PRPF38B: variants seen among roughly 807,000 people sequenced by gnomAD.
PRPF38B encodes the protein pre-mRNA processing factor 38B.
In PRPF38B, 18 loss-of-function variants were observed where a neutral mutation model predicts 67.2. That is an observed-to-expected ratio of 0.27 (90% CI 0.19 to 0.40). The LOEUF is 0.40. Among genes scored for constraint, PRPF38B ranks in the 10% least tolerant of loss-of-function variants. The pLI is 1.00. For missense variants in PRPF38B, 544 were observed against 684.9 expected (o/e 0.79, Z 2.30); for synonymous variants, 246 against 234.2 (o/e 1.05, Z -0.46).
rs1557764442 is a variant in PRPF38B, at chr1:108,696,081, AT to A, written c.388del (p.Cys130AlafsTer9). ...VGTGGIVSTA[F>X]CLLYKLFTLK... ...GAACAGGAGGAATTGTTTCTACAGC[AT>A]TTTGCCTGTTATACAAATTATTTAC... On this transcript the variant is annotated frameshift_variant, in exon 3 of 6. Coordinates refer to ENST00000370025, the MANE Select transcript of PRPF38B (RefSeq NM_018061.4). LOFTEE classifies it high-confidence loss of function. 1 of 1,613,998 alleles carries A rather than the reference AT, an allele frequency of 6.2e-7. No individual in the cohort carries two copies. The highest frequency in any genetic ancestry group is 2.2e-5 in the East Asian group (1 of 44,858).
rs1660330876 is a variant in PRPF38B, at chr1:108,700,121, C to G, written c.*101C>G. 2.1e-6 allele frequency: 3 copies of G among 1,460,800 alleles called. No homozygotes were observed. The highest frequency in any genetic ancestry group is 1.6e-5 in the South Asian group (1 of 63,788). 90.5% of individuals were successfully genotyped at this position (1,460,800 alleles called of 1,614,324 possible). ...TGCAGTAGTTCGCACTCCTCAAGCTCTCCCTGTAGGCTGCATTTTCATTTC... is the reference window on the plus strand; with the variant it reads ...TGCAGTAGTTCGCACTCCTCAAGCTGTCCCTGTAGGCTGCATTTTCATTTC... On this transcript the variant is annotated 3_prime_UTR_variant, in exon 6 of 6. Transcript: ENST00000370025.
chr1:108,702,884 T>C lies in PRPF38B; in HGVS notation c.*2864T>C, dbSNP rs1343395771. 2.0e-5 allele frequency among the ~76,000 whole-genome samples: 3 copies of C among 152,242 alleles called. No individual in the cohort carries two copies. The highest frequency in any genetic ancestry group is 4.4e-5 in the Non-Finnish European group (3 of 68,046). On this transcript the variant is annotated 3_prime_UTR_variant, in exon 6 of 6. Transcript: ENST00000370025. ...TCCATGTATTAAAATCTTTTGCCTG[T>C]TTTTAATGTTCAATTTGCAATTAAA... is the stretch of plus-strand genomic sequence containing the variant.
intron 4 of PRPF38B, chr1:108,696,599 T>C (rs1258669463): frequency 1.6e-6 from 1 of 615,894 alleles, no homozygotes; most frequent in African/African-American, 1.9e-5. Context: ...TTCTTAATTA[T>C]GTTCTGTGTA....
chr1:108,694,773 A>G (rs1659695674), intron 1 of PRPF38B, among the ~76,000 whole-genome samples: 2 of 151,924 alleles, frequency 1.3e-5, no homozygotes, highest in African/African-American at 4.9e-5. Flanking sequence ...TTAAAAAAAA[A>G]CAAAGATGGG....
At chr1:108,696,691 T>C (rs1478757758) in intron 4 of PRPF38B, 5 of 714,952 alleles carry the variant, frequency 7.0e-6, no homozygotes, top group East Asian at 2.7e-5. Flanking sequence ...ATAAAAGATA[T>C]GCACATAGAA....
intron 1 of PRPF38B, among the ~76,000 whole-genome samples, chr1:108,693,118 C>A (rs1248328715): frequency 6.6e-6 from 1 of 152,212 alleles, no homozygotes; most frequent in Non-Finnish European, 1.5e-5. Context: ...CTCCTGCCCA[C>A]CCCTGGGGGG....
chr1:108,696,670 T>G, intron 4 of PRPF38B: 1 of 711,306 alleles, frequency 1.4e-6, no homozygotes, highest in Non-Finnish European at 2.6e-6. Flanking sequence ...ATGCTCAAGA[T>G]CGAACAGATA....
Position 108,699,634 on chromosome 1 carries a change from T to A in PRPF38B, c.1255T>A (p.Ser419Thr), listed in dbSNP as rs1660244565. The A allele has an allele frequency of 1.3e-6, 2 of 1,543,122 alleles. No homozygotes were observed. Among genetic ancestry groups the A allele is most frequent in the South Asian group, 1.2e-5 (1 of 83,816 alleles). ...GCGGCACAGAGATGACAAAAGAGATTCCAAGAAAGAGAAAAAACACAGTAG... is the reference window on the plus strand; with the variant it reads ...GCGGCACAGAGATGACAAAAGAGATACCAAGAAAGAGAAAAAACACAGTAG... ...DRRHRDDKRD[S>T]KKEKKHSRSR... Residue 419 changes from serine (S) to threonine (T), a missense_variant, in exon 6 of 6, where the codon TCC becomes ACC. Around this residue, in one of 5 missense-constraint regions of PRPF38B, gnomAD observed 387 missense variants for 386.1 expected, o/e 1.00. Coordinates refer to ENST00000370025, the MANE Select transcript of PRPF38B (RefSeq NM_018061.4).
rs988304867 is a variant in PRPF38B, at chr1:108,702,726, T to C, written c.*2706T>C. Among the ~76,000 whole-genome samples, 6 of 152,256 alleles carry C rather than the reference T, an allele frequency of 3.9e-5. No individual in the cohort carries two copies. Among genetic ancestry groups the C allele is most frequent in the Admixed American group, 1.3e-4 (2 of 15,290 alleles). ...GGGTGCAGCTCACCACCAAGGTACATGTATATCTAGGTAACAAACCGGCAC... is the reference window on the plus strand; with the variant it reads ...GGGTGCAGCTCACCACCAAGGTACACGTATATCTAGGTAACAAACCGGCAC... On this transcript the variant is annotated 3_prime_UTR_variant, in exon 6 of 6. Transcript: ENST00000370025.
At chr1:108,695,881 C>T (rs1197519202) in intron 2 of PRPF38B, 111 bp downstream of exon 2, 5 of 1,375,336 alleles carry the variant, frequency 3.6e-6, no homozygotes, top group Non-Finnish European at 3.0e-6. Context: ...TTTTTTAATC[C>T]AAATTCAAGT....
In PRPF38B at chr1:108,694,443, G is replaced by GT. The variant is rs535475633; in HGVS notation, c.277-1252dup. Among the ~76,000 whole-genome samples the GT allele has an allele frequency of 6.1e-3, 933 of 152,200 alleles. 4 individuals carry two copies. The highest frequency in any genetic ancestry group is 0.021 in the African/African-American group (862 of 41,500). ...ATTCCGTTAAAAAACTAAAGACCCA[G>GT]TTTTTTTACTAATATTAAGAAGACT... On this transcript the variant is annotated intron_variant, in intron 1 of 5. Coordinates refer to ENST00000370025, the MANE Select transcript of PRPF38B (RefSeq NM_018061.4).
At position 108,692,586 on chromosome 1, in the gene PRPF38B, C is replaced by A; in HGVS notation, c.-6C>A. ...TCCTTCCCTCCCTCCTTCCTTCCGC[C>A]GCAACATGGCTAACAACAGCCCCGC... On this transcript the variant is annotated 5_prime_UTR_variant, in exon 1 of 6. Transcript: ENST00000370025. 1 of 1,564,738 alleles carries A rather than the reference C, an allele frequency of 6.4e-7. No homozygotes were observed. The highest frequency in any genetic ancestry group is 8.6e-7 in the Non-Finnish European group (1 of 1,156,878).
At chr1:108,693,577 G>A in intron 1 of PRPF38B, 2 of 984,040 alleles carry the variant, frequency 2.0e-6, no homozygotes, top group African/African-American at 3.5e-5. Context: ...CTCAGTTCTT[G>A]TTTCGTTAGC....
Position 108,692,574 on chromosome 1 carries a change from C to T in PRPF38B, c.-18C>T, listed in dbSNP as rs538753347. On this transcript the variant is annotated 5_prime_UTR_variant, in exon 1 of 6. Transcript: ENST00000370025. ...CCCTCCCCCCCCTCCTTCCCTCCCT[C>T]CTTCCTTCCGCCGCAACATGGCTAA... 1.3e-6 allele frequency: 2 copies of T among 1,541,868 alleles called. No homozygotes were observed. The highest frequency in any genetic ancestry group is 1.2e-5 in the South Asian group (1 of 84,306).
rs567744783 is a variant in PRPF38B at position 108,696,114 on chromosome 1, G to A, written c.417G>A (p.Lys139=). 76 of 1,613,958 alleles carry A rather than the reference G, an allele frequency of 4.7e-5. 1 individual carries two copies. In the African/African-American group the frequency reaches 5.5e-4, roughly 12 times the overall value. The stretch of plus-strand genomic sequence containing the variant: ...TGTTATACAAATTATTTACCCTGAA[G>A]TTAACTCGAAAGCAAGTGATGGGTC... ...FCLLYKLFTL[K]LTRKQVMGLI... The change falls in exon 3 of 6, where the codon AAG becomes AAA. Residue 139 remains lysine, a synonymous_variant. Transcript: ENST00000370025.
Position 108,700,701 on chromosome 1 carries a change from T to G in PRPF38B, c.*681T>G, listed in dbSNP as rs1298786498. 1 of 152,674 alleles carries G rather than the reference T, an allele frequency of 6.5e-6. No individual in the cohort carries two copies. The highest frequency in any genetic ancestry group is 1.5e-5 in the Non-Finnish European group (1 of 68,038). The allele number at this position is 152,674 out of a possible 1,614,324, so 9.5% of individuals were successfully genotyped here. A position where few individuals can be genotyped will look rare whatever the true frequency, so the allele number is the denominator to read the frequency against. ...CATTCTACCTCAAAGGGACACTTAG[T>G]ATGCCTAAAATTTATTCACTTAGTT... On this transcript the variant is annotated 3_prime_UTR_variant, in exon 6 of 6. Coordinates refer to ENST00000370025, the MANE Select transcript of PRPF38B (RefSeq NM_018061.4).
rs1017586478 is a variant in PRPF38B at position 108,692,960 on chromosome 1, TGTGG to T, written c.276+99_276+102del. 4.1e-6 allele frequency: 6 copies of T among 1,477,326 alleles called. No homozygotes were observed. The African/African-American group carries it at 8.4e-5, about 21-fold the overall frequency. 91.5% of individuals were successfully genotyped at this position (1,477,326 alleles called of 1,614,324 possible). ...AGGCGGCCCCCGAAATCTGAAGATT[TGTGG>T]GTGGGGGAAGGTGGTTCGGCGGAGG... On this transcript the variant is annotated intron_variant, in intron 1 of 5. Transcript: ENST00000370025.
rs1419637464 is a variant in PRPF38B, at chr1:108,702,120, T to G, written c.*2100T>G. Among the ~76,000 whole-genome samples the G allele has an allele frequency of 6.6e-6, 1 of 152,158 alleles. No individual in the cohort carries two copies. Among genetic ancestry groups the G allele is most frequent in the African/African-American group, 2.4e-5 (1 of 41,440 alleles). ...GATCGTCACTACATTTGATTTCTTG[T>G]GGGTTTTTAGTTTGTTTTTGTTTTG... On this transcript the variant is annotated 3_prime_UTR_variant, in exon 6 of 6. Transcript: ENST00000370025.
chr1:108,693,860 TG>T (rs1299548962), intron 1 of PRPF38B, among the ~76,000 whole-genome samples: 1 of 152,226 alleles, frequency 6.6e-6, no homozygotes, highest in Admixed American at 6.5e-5. Flanking sequence ...ATAGCCTTAG[TG>T]GTCTTTAAAA....
Sources: gnomAD v4.1 joint callset for allele counts (sites outside exome capture counted in the v4.1 genomes callset) on GRCh38, gnomAD v4.1.1 for gene constraint, gnomAD v4.1.1 regional missense constraint, MANE v1.5 for transcripts, NCBI Gene and HGNC (gene_info 2026-07-23, HGNC 2026-07-21) for gene names.